Variants in IFT88 observed in about 807,000 individuals in gnomAD.
IFT88 encodes the protein intraflagellar transport protein 88 homolog.
In IFT88, 74 loss-of-function variants were observed where a neutral mutation model predicts 119.5. The observed-to-expected ratio is 0.62, with a 90% CI of 0.51 to 0.75. The LOEUF is 0.75. Ranked by LOEUF, IFT88 falls within the 30% of genes least tolerant of loss-of-function variation. The pLI is 0.00. For missense variants in IFT88, 961 were observed against 977.7 expected (o/e 0.98, Z 0.23); for synonymous variants, 279 against 316.7 (o/e 0.88, Z 1.26).
intron 20 of IFT88, among the ~76,000 whole-genome samples, chr13:20,646,681 C>A (rs1306583371): frequency 6.6e-6 from 1 of 151,784 alleles, no homozygotes; most frequent in Non-Finnish European, 1.5e-5. Context: ...ACCTTTCCAA[C>A]TTCCATACTC....
chr13:20,605,995 G>A (rs1437687600), intron 13 of IFT88, among the ~76,000 whole-genome samples: 1 of 138,718 alleles, frequency 7.2e-6, no homozygotes, highest in Non-Finnish European at 1.5e-5. Flanking sequence ...GTGTCATTTA[G>A]GGTTTATATG....
At chr13:20,677,575 T>C (rs967771085) in intron 24 of IFT88, among the ~76,000 whole-genome samples, 2 of 152,202 alleles carry the variant, frequency 1.3e-5, no homozygotes. Context: ...CAAGTCAGAT[T>C]ACAGAGCACC....
chr13:20,606,433 AG>A (rs2043471700), intron 13 of IFT88, among the ~76,000 whole-genome samples: 1 of 152,168 alleles, frequency 6.6e-6, no homozygotes. Flanking sequence ...GTGTCAACGG[AG>A]GCCATGTGGC....
At chr13:20,655,296 G>C (rs1044900173) in intron 21 of IFT88, among the ~76,000 whole-genome samples, 3 of 151,928 alleles carry the variant, frequency 2.0e-5, no homozygotes, top group African/African-American at 7.3e-5. Flanking sequence ...GCTGGGCTTG[G>C]TGGTGCACGC....
At chr13:20,619,918 G>A (rs138806853) in intron 14 of IFT88, among the ~76,000 whole-genome samples, 229 of 152,074 alleles carry the variant, frequency 1.5e-3, no homozygotes, top group African/African-American at 5.1e-3. Context: ...CCATACTGTG[G>A]CATCTCATTG....
intron 7 of IFT88, among the ~76,000 whole-genome samples, chr13:20,595,237 G>A (rs550232743): frequency 6.6e-6 from 1 of 152,238 alleles, no homozygotes; most frequent in South Asian, 2.1e-4. Context: ...AATAGCCACT[G>A]CACTCTAGCC....
In IFT88 at chr13:20,671,036, G is replaced by A. The variant is rs757268801; in HGVS notation, c.2239G>A (p.Gly747Ser). The change falls in exon 24 of 26, where the codon GGT becomes AGT. Residue 747 changes from glycine to serine, a missense_variant. Physicochemically the swap from Gly to Ser is moderately conservative, Grantham distance 56. Transcript: ENST00000351808. ...SRGKREGSAS[G>S]DSGQNYSASS... ...TGGCAAAAGAGAAGGAAGTGCTAGC[G>A]GTGGTAAGTATTTTCTCTTTCCCTG... 1.3e-5 allele frequency: 21 copies of A among 1,613,374 alleles called. No homozygotes were observed. The East Asian group carries it at 2.0e-4, about 15-fold the overall frequency.
intron 20 of IFT88, among the ~76,000 whole-genome samples, chr13:20,650,055 G>A (rs1412112552): frequency 6.6e-6 from 1 of 151,954 alleles, no homozygotes; most frequent in African/African-American, 2.4e-5. Context: ...GACATTTCAA[G>A]AAAAATTCAC....
intron 22 of IFT88, among the ~76,000 whole-genome samples, chr13:20,661,026 C>T (rs1044017367): frequency 6.6e-6 from 1 of 152,024 alleles, no homozygotes; most frequent in Non-Finnish European, 1.5e-5. Context: ...CATTTGTTCC[C>T]CAGAACTTTT....
intron 24 of IFT88, among the ~76,000 whole-genome samples, chr13:20,675,651 G>T (rs1034511438): frequency 6.6e-6 from 1 of 152,172 alleles, no homozygotes; most frequent in Non-Finnish European, 1.5e-5. Flanking sequence ...CTCATCTACC[G>T]AGAATATTCC....
Position 20,666,494 on chromosome 13 carries a change from A to G in IFT88, c.2175+2890A>G, listed in dbSNP as rs1210564538. Among the ~76,000 whole-genome samples, 3 of 152,352 alleles carry G rather than the reference A, an allele frequency of 2.0e-5. No homozygotes were observed. The South Asian group carries it at 6.2e-4, about 32-fold the overall frequency. ...GATAACCCATAGGACCCACCAGCTC[A>G]TAATGGTTCTTCCAGTCCCCGGAAG... On this transcript the variant is annotated intron_variant, in intron 23 of 25. Coordinates refer to ENST00000351808, the MANE Select transcript of IFT88 (RefSeq NM_006531.5).
intron 2 of IFT88, among the ~76,000 whole-genome samples, chr13:20,576,617 GAA>G (rs558621875): frequency 2.7e-3 from 407 of 152,202 alleles, no homozygotes; most frequent in African/African-American, 8.9e-3. Flanking sequence ...ACCATTTATT[GAA>G]GAGAATGTCT....
chr13:20,635,517 G>A (rs1270439770), intron 16 of IFT88, among the ~76,000 whole-genome samples: 1 of 152,212 alleles, frequency 6.6e-6, no homozygotes, highest in African/African-American at 2.4e-5. Flanking sequence ...TTAGGGCCCA[G>A]CTCTGCTCCC....
At chr13:20,629,140 T>G (rs2047799127) in intron 15 of IFT88, among the ~76,000 whole-genome samples, 1 of 152,198 alleles carries the variant, frequency 6.6e-6, no homozygotes, top group African/African-American at 2.4e-5. Context: ...CCTATTCAAG[T>G]GCCTTATATT....
In IFT88 at chr13:20,644,940, A is replaced by G; in HGVS notation, c.1931A>G (p.Glu644Gly). Residue 644 changes from glutamate to glycine, a missense_variant, in exon 20 of 26, where the codon GAA becomes GGA. By Grantham distance (98) the Glu-to-Gly change is moderately conservative. Transcript: ENST00000351808. The stretch of plus-strand genomic sequence containing the variant: ...TGGGAAAAAGCTATTCAGTACTTTG[A>G]AAGAGCTTCTCTTATACAGTAAGTA... ...QFWEKAIQYFERASLIQPTQV... is the reference protein window; with the variant it reads ...QFWEKAIQYFGRASLIQPTQV... 6.4e-7 allele frequency: 1 copy of G among 1,554,400 alleles called. No homozygotes were observed. The highest frequency in any genetic ancestry group is 1.7e-5 in the Admixed American group (1 of 59,416).
chr13:20,613,433 C>T (rs923637334), intron 13 of IFT88, among the ~76,000 whole-genome samples: 1 of 151,998 alleles, frequency 6.6e-6, no homozygotes, highest in Admixed American at 6.6e-5. Context: ...AAGAAAATAA[C>T]AAGTATTGGT....
intron 3 of IFT88, among the ~76,000 whole-genome samples, chr13:20,585,017 G>GT (rs2039402580): frequency 1.3e-5 from 2 of 152,210 alleles, no homozygotes; most frequent in Non-Finnish European, 1.5e-5. Flanking sequence ...TTTAGATGAA[G>GT]TGTCCTTCTG....
At chr13:20,648,122 C>T (rs78091966) in intron 20 of IFT88, among the ~76,000 whole-genome samples, 3,583 of 152,240 alleles carry the variant, frequency 0.024, 67 homozygotes, top group Non-Finnish European at 0.038. Flanking sequence ...CCTGGCCAAG[C>T]GTGATGGCTT....
At chr13:20,639,871 C>T (rs2049605406) in intron 17 of IFT88, among the ~76,000 whole-genome samples, 1 of 149,988 alleles carries the variant, frequency 6.7e-6, no homozygotes, top group Admixed American at 6.7e-5. Context: ...TCACTGCAAC[C>T]TCCACCTTCC....
Sources: allele counts gnomAD v4.1 joint callset (sites outside exome capture counted in the v4.1 genomes callset), GRCh38; gene constraint gnomAD v4.1.1; transcripts MANE v1.5; gene names NCBI Gene and HGNC (gene_info 2026-07-23, HGNC 2026-07-21).